The following DIO2 variants were observed in gnomAD, a reference collection of about 807,000 sequenced individuals.
DIO2 encodes type II iodothyronine deiodinase.
In DIO2, 19 loss-of-function variants were observed where a neutral mutation model predicts 21.4. That is an observed-to-expected ratio of 0.89 (90% CI 0.62 to 1.30). The LOEUF is 1.30. Among genes scored for constraint, DIO2 ranks in the 50% most tolerant of loss-of-function variants. The pLI is 0.00. For synonymous variants in DIO2, 122 were observed against 132.9 expected (o/e 0.92, Z 0.57); for missense variants, 302 against 338.1 (o/e 0.89, Z 0.84).
At chr14:80,222,860 C>CTTTTTTTTTTTTTTTTTTTTTTTGTTTT (rs200049777) in intron 2 of DIO2, among the ~76,000 whole-genome samples, 1 of 138,822 alleles carries the variant, frequency 7.2e-6, no homozygotes, top group African/African-American at 2.6e-5. Flanking sequence ...TTCTTTGTTT[C>CTTTTTTTTTTTTTTTTTTTTTTTGTTTT]TTTTTTTTTT....
chr14:80,213,631 C>G (rs1458496361), upstream of DIO2, among the ~76,000 whole-genome samples: 1 of 152,188 alleles, frequency 6.6e-6, no homozygotes, highest in Non-Finnish European at 1.5e-5. Flanking sequence ...TAGAACCATG[C>G]TTGGCGCACA....
intron 1 of DIO2, among the ~76,000 whole-genome samples, chr14:80,204,778 CTTT>C (rs1771733201): frequency 6.6e-6 from 1 of 152,126 alleles, no homozygotes; most frequent in South Asian, 2.1e-4. Context: ...CACTCAAGGG[CTTT>C]TATTCAGAAG....
At chr14:80,218,867 A>G (rs1888407300) in intron 2 of DIO2, among the ~76,000 whole-genome samples, 1 of 152,060 alleles carries the variant, frequency 6.6e-6, no homozygotes, top group Admixed American at 6.5e-5. Flanking sequence ...AACCTCAGCT[A>G]CTCAGGAGGC....
chr14:80,197,806 T>C lies in DIO2; in HGVS notation c.*4883A>G, dbSNP rs563622669. The C allele has an allele frequency of 6.6e-6, 1 of 152,596 alleles. No individual in the cohort carries two copies. Among genetic ancestry groups the C allele is most frequent in the South Asian group, 2.1e-4 (1 of 4,816 alleles). The allele number at this position is 152,596 out of a possible 1,614,324, so 9.5% of individuals were successfully genotyped here. ...TGACTACATCCAACCACTAACTGAG[T>C]CGATGACTCTTTCGTCAGTAGTTAT... On this transcript the variant is annotated 3_prime_UTR_variant, in exon 2 of 2. Transcript: ENST00000438257.
chr14:80,212,840 T>G (rs1888258013), upstream of DIO2, among the ~76,000 whole-genome samples: 1 of 149,244 alleles, frequency 6.7e-6, no homozygotes, highest in Non-Finnish European at 1.5e-5. Context: ...TACCCAAGCT[T>G]CTAATGAAAA....
rs540578912 is a variant in DIO2, at chr14:80,202,294, C to T, written c.*395G>A. ...CCATCCATGCCAAATAGAGCCAAGG[C>T]AATACCCTTTATCTTAACGTAGACA... On this transcript the variant is annotated 3_prime_UTR_variant, in exon 2 of 2. Transcript: ENST00000438257. The T allele has an allele frequency of 1.4e-3, 748 of 523,696 alleles. 12 individuals are homozygous for T. Among genetic ancestry groups the T allele is most frequent in the South Asian group, 0.01 (721 of 71,518 alleles). 32.4% of individuals were successfully genotyped at this position (523,696 alleles called of 1,614,324 possible).
At chr14:80,219,158 G>A (rs1348782134) in intron 2 of DIO2, among the ~76,000 whole-genome samples, 2 of 152,164 alleles carry the variant, frequency 1.3e-5, no homozygotes, top group African/African-American at 2.4e-5. Context: ...CTAGGCATTA[G>A]AGGGTACCAG....
Position 80,204,564 on chromosome 14 carries a change from A to G in DIO2, c.223-1276T>C, listed in dbSNP as rs531995896. ...TTAATACGATTGGATCTTCCTTAGA[A>G]TGGTTTAATCAAAGCCAATAACATT... On this transcript the variant is annotated intron_variant, in intron 1 of 1. Coordinates refer to ENST00000438257, the MANE Select transcript of DIO2 (RefSeq NM_013989.5). Among the ~76,000 whole-genome samples the G allele has an allele frequency of 6.6e-5, 10 of 152,314 alleles. No homozygotes were observed. In the South Asian group the frequency reaches 1.9e-3, roughly 28 times the overall value.
chr14:80,224,416 A>G (rs1244261469), intron 2 of DIO2, among the ~76,000 whole-genome samples: 3 of 151,868 alleles, frequency 2.0e-5, no homozygotes, highest in Non-Finnish European at 2.9e-5. Context: ...GGATCTTGAG[A>G]TAGGAAAGTT....
intron 2 of DIO2, among the ~76,000 whole-genome samples, chr14:80,222,534 C>A (rs1454597475): frequency 6.6e-6 from 1 of 152,180 alleles, no homozygotes; most frequent in Non-Finnish European, 1.5e-5. Context: ...GGAAGCAAGA[C>A]TCAGTTTATA....
At chr14:80,225,292 A>T (rs1354198257) in intron 2 of DIO2, among the ~76,000 whole-genome samples, 1 of 152,184 alleles carries the variant, frequency 6.6e-6, no homozygotes, top group Non-Finnish European at 1.5e-5. Context: ...TCCTGAGATC[A>T]CACATAGTCT....
At chr14:80,203,325 A>T in intron 1 of DIO2, 37 bp from the exon 2 acceptor site, 3 of 1,490,720 alleles carry the variant, frequency 2.0e-6, no homozygotes, top group Non-Finnish European at 2.7e-6. Flanking sequence ...GAAGAAGAAG[A>T]AGGTGAGAAT....
intron 2 of DIO2, chr14:80,219,415 T>C (rs1241372484): frequency 2.6e-5 from 4 of 151,860 alleles, no homozygotes; most frequent in Non-Finnish European, 5.9e-5. Context: ...ATGGGATATG[T>C]GAGAAAAGGA....
intron 2 of DIO2, among the ~76,000 whole-genome samples, chr14:80,223,608 A>G (rs1175874702): frequency 6.6e-6 from 1 of 152,226 alleles, no homozygotes; most frequent in Non-Finnish European, 1.5e-5. Flanking sequence ...TTCTGTTACA[A>G]TATAAAAGTT....
At chr14:80,217,655 G>A (rs191743086) in intron 2 of DIO2, among the ~76,000 whole-genome samples, 2 of 152,238 alleles carry the variant, frequency 1.3e-5, no homozygotes. Flanking sequence ...CAAAACAGAT[G>A]TACAAACAAA....
rs1594872930 is a variant in DIO2 at position 80,203,285 on chromosome 14, T to C, written c.226A>G (p.Lys76Glu). 6.6e-7 allele frequency: 1 copy of C among 1,505,708 alleles called. No homozygotes were observed. The highest frequency in any genetic ancestry group is 8.8e-7 in the Non-Finnish European group (1 of 1,133,378). The allele number at this position is 1,505,708 out of a possible 1,614,324, so 93.3% of individuals were successfully genotyped here. A position where few individuals can be genotyped will look rare whatever the true frequency, so the allele number is the denominator to read the frequency against. Reference sequence around the variant, plus strand: ...GAATTGGGGGCATCCTCACCCAATTTCACCTGACGGTAAAAAAAAAAAAAA... The same window carrying C: ...GAATTGGGGGCATCCTCACCCAATTCCACCTGACGGTAAAAAAAAAAAAAA... Reference protein sequence around the residue: ...SFLLDAYKQVKLGEDAPNSSV... With the variant: ...SFLLDAYKQVELGEDAPNSSV... The change falls in exon 2 of 2, where the codon AAA becomes GAA. Residue 76 changes from lysine (K) to glutamate (E), a missense_variant. Physicochemically the swap from Lys to Glu is moderately conservative, Grantham distance 56. Coordinates refer to ENST00000438257, the MANE Select transcript of DIO2 (RefSeq NM_013989.5).
chr14:80,206,060 C>T (rs1273247988), intron 1 of DIO2, among the ~76,000 whole-genome samples: 1 of 152,078 alleles, frequency 6.6e-6, no homozygotes, highest in African/African-American at 2.4e-5. Flanking sequence ...GGTCAGTGCA[C>T]AAAACAAATG....
At chr14:80,219,526 G>A (rs1429749061) in intron 2 of DIO2, 1 of 137,478 alleles carries the variant, frequency 7.3e-6, no homozygotes. Flanking sequence ...TTTTTTTTTG[G>A]TTGAGTTATC....
chr14:80,213,110 G>T (rs187404762), upstream of DIO2, among the ~76,000 whole-genome samples: 4 of 152,134 alleles, frequency 2.6e-5, no homozygotes, highest in Non-Finnish European at 5.9e-5. Flanking sequence ...GTTAAGAGCC[G>T]ACTGAATTGG....
Sources: allele counts gnomAD v4.1 joint callset (sites outside exome capture counted in the v4.1 genomes callset), GRCh38; gene constraint gnomAD v4.1.1; transcripts MANE v1.5; gene names NCBI Gene and HGNC (gene_info 2026-07-23, HGNC 2026-07-21).